DLG1: variants seen among roughly 807,000 people sequenced by gnomAD.
The protein encoded by DLG1 is disks large homolog 1.
DLG1 carries 42 observed loss-of-function variants against 123.4 expected under a neutral mutation model. The observed-to-expected ratio is 0.34, with a 90% CI of 0.27 to 0.44. DLG1 has a LOEUF of 0.44. DLG1 is among the 20% of genes least tolerant of loss of function. The pLI is 1.00. For missense variants in DLG1, 942 were observed against 1,082.6 expected, an observed-to-expected ratio of 0.87 and a Z score of 1.82; for synonymous variants, 317 against 356.2, an observed-to-expected ratio of 0.89 and a Z score of 1.24.
chr3:197,183,089 TATA>T (rs1301408407), intron 5 of DLG1, among the ~76,000 whole-genome samples: 2 of 152,170 alleles, frequency 1.3e-5, no homozygotes, highest in Non-Finnish European at 2.9e-5. Context: ...TGTCAGTATA[TATA>T]ATACTAGCCA....
intron 13 of DLG1, among the ~76,000 whole-genome samples, chr3:197,107,572 C>CAAAA: frequency 7.0e-6 from 1 of 142,962 alleles, no homozygotes; most frequent in South Asian, 2.2e-4. Context: ...AAACCAAACC[C>CAAAA]AAAAAAAAAA....
At chr3:197,167,517 A>G (rs1802040371) in intron 5 of DLG1, among the ~76,000 whole-genome samples, 1 of 152,230 alleles carries the variant, frequency 6.6e-6, no homozygotes, top group Admixed American at 6.5e-5. Flanking sequence ...TGAGAGTACA[A>G]TACTTCCAGG....
intron 4 of DLG1, among the ~76,000 whole-genome samples, chr3:197,195,169 A>G (rs1311952150): frequency 6.6e-6 from 1 of 152,102 alleles, no homozygotes; most frequent in Non-Finnish European, 1.5e-5. Flanking sequence ...CACTGAGATA[A>G]AATATTCTTT....
intron 15 of DLG1, among the ~76,000 whole-genome samples, chr3:197,088,268 G>A (rs544759217): frequency 2.6e-5 from 4 of 152,050 alleles, no homozygotes; most frequent in Non-Finnish European, 5.9e-5. Context: ...AAATAGGATA[G>A]CTAGAAAAAA....
intron 4 of DLG1, among the ~76,000 whole-genome samples, chr3:197,227,782 A>C (rs1316336242): frequency 6.6e-6 from 1 of 152,222 alleles, no homozygotes; most frequent in Non-Finnish European, 1.5e-5. Context: ...AGAGAGAGAA[A>C]AAACTAGGTT....
chr3:197,198,582 C>T (rs1198970837), intron 4 of DLG1, among the ~76,000 whole-genome samples: 1 of 151,434 alleles, frequency 6.6e-6, no homozygotes, highest in Non-Finnish European at 1.5e-5. Context: ...CATCTTATAG[C>T]TCAACAAGAA....
intron 5 of DLG1, among the ~76,000 whole-genome samples, chr3:197,177,940 C>G (rs1047815648): frequency 5.9e-5 from 9 of 152,088 alleles, no homozygotes; most frequent in African/African-American, 2.2e-4. Context: ...CCTGCTTGGG[C>G]CCTCCTTAGC....
intron 15 of DLG1, 138 bp from the exon 16 acceptor site, chr3:197,085,894 T>C (rs1278626463): frequency 1.5e-6 from 1 of 661,556 alleles, no homozygotes; most frequent in Non-Finnish European, 2.5e-6. Context: ...AATTCTGCAC[T>C]GCATACAAGA....
intron 5 of DLG1, among the ~76,000 whole-genome samples, chr3:197,166,652 G>A (rs1801568000): frequency 6.6e-6 from 1 of 152,198 alleles, no homozygotes; most frequent in African/African-American, 2.4e-5. Flanking sequence ...CACTTTGGGA[G>A]GCGGAGGTGG....
intron 13 of DLG1, among the ~76,000 whole-genome samples, chr3:197,107,845 G>T (rs1767502062): frequency 6.6e-6 from 1 of 150,514 alleles, no homozygotes; most frequent in Admixed American, 6.6e-5. Context: ...AGAACCTCCA[G>T]GACAATGTTG....
chr3:197,275,012 G>A (rs775570288), intron 4 of DLG1, among the ~76,000 whole-genome samples: 1 of 152,044 alleles, frequency 6.6e-6, no homozygotes, highest in African/African-American at 2.4e-5. Flanking sequence ...GTGAAACCCT[G>A]TGTCTACTAA....
chr3:197,071,907 C>A (rs942565370), intron 18 of DLG1, among the ~76,000 whole-genome samples: 1 of 152,164 alleles, frequency 6.6e-6, no homozygotes, highest in East Asian at 1.9e-4. Flanking sequence ...TGTATCTATA[C>A]GACCCAGCAA....
intron 13 of DLG1, among the ~76,000 whole-genome samples, chr3:197,106,127 T>TGG (rs1251651340): frequency 6.6e-6 from 1 of 152,178 alleles, no homozygotes; most frequent in African/African-American, 2.4e-5. Flanking sequence ...CCCTTGAGGC[T>TGG]GGGCATGGTG....
At chr3:197,195,431 T>C (rs1206590609) in intron 4 of DLG1, among the ~76,000 whole-genome samples, 1 of 152,148 alleles carries the variant, frequency 6.6e-6, no homozygotes, top group East Asian at 1.9e-4. Context: ...GACACATGCA[T>C]GTTCACTGCA....
rs541827166 is a variant in DLG1, at chr3:197,185,851, A to G, written c.483+8574T>C. Among the ~76,000 whole-genome samples the G allele has an allele frequency of 4.6e-5, 7 of 152,304 alleles. No homozygotes were observed. In the South Asian group the frequency reaches 1.4e-3, roughly 32 times the overall value. ...TGTAAACAGTACCAAAAGACATACA[A>G]TAGTAGGCTCTTAGTGAGCATCTAT... On this transcript the variant is annotated intron_variant, in intron 5 of 24. Coordinates refer to ENST00000667157, the MANE Select transcript of DLG1 (RefSeq NM_001366207.1).
At chr3:197,173,976 A>C (rs1805670399) in intron 5 of DLG1, among the ~76,000 whole-genome samples, 1 of 152,172 alleles carries the variant, frequency 6.6e-6, no homozygotes, top group South Asian at 2.1e-4. Flanking sequence ...CCAGCTACTT[A>C]GGAGGCTGGG....
chr3:197,179,454 T>TA (rs930934440), intron 5 of DLG1, among the ~76,000 whole-genome samples: 3 of 152,222 alleles, frequency 2.0e-5, no homozygotes, highest in Non-Finnish European at 2.9e-5. Context: ...CTCTGGTTCT[T>TA]AAAAAAAGTG....
intron 4 of DLG1, among the ~76,000 whole-genome samples, chr3:197,215,976 C>T (rs975533673): frequency 9.2e-5 from 14 of 151,998 alleles, no homozygotes; most frequent in African/African-American, 3.4e-4. Flanking sequence ...TTTTAAATGC[C>T]ATGCAAATGA....
chr3:197,097,110 C>T (rs535880991), intron 14 of DLG1, among the ~76,000 whole-genome samples: 1 of 152,316 alleles, frequency 6.6e-6, no homozygotes, highest in Middle Eastern at 3.4e-3. Context: ...GCTCTATTAT[C>T]CCTATCCTAC....
Sources: gnomAD v4.1 joint callset for allele counts (sites outside exome capture counted in the v4.1 genomes callset) on GRCh38, gnomAD v4.1.1 for gene constraint, MANE v1.5 for transcripts, NCBI Gene and HGNC (gene_info 2026-07-23, HGNC 2026-07-21) for gene names.